The following PTPRD variants were observed in gnomAD, a reference collection of about 807,000 sequenced individuals.
PTPRD encodes the protein protein tyrosine phosphatase receptor type D, also known as receptor-type tyrosine-protein phosphatase delta.
PTPRD carries 34 observed loss-of-function variants against 214.5 expected under a neutral mutation model. The ratio of observed to expected loss-of-function variants is 0.16; its 90% CI spans 0.12 to 0.21. The LOEUF is 0.21. Among genes scored for constraint, PTPRD ranks in the 10% least tolerant of loss-of-function variants. PTPRD has a pLI of 1.00. For synonymous variants in PTPRD, 1,128 were observed against 845.7 expected, an observed-to-expected ratio of 1.33 and a Z score of -5.79; for missense variants, 2,545 against 2,398.7, an observed-to-expected ratio of 1.06 and a Z score of -1.27.
intron 7 of PTPRD, among the ~76,000 whole-genome samples, chr9:9,626,667 G>C (rs2095434696): frequency 6.6e-6 from 1 of 152,160 alleles, no homozygotes; most frequent in East Asian, 1.9e-4. Context: ...TATGACACAA[G>C]TACTGTACAT....
At chr9:8,861,982 A>G (rs1191360930) in intron 11 of PTPRD, 1 of 152,178 alleles carries the variant, frequency 6.6e-6, no homozygotes, top group Non-Finnish European at 1.5e-5. Context: ...TTCTATTTTT[A>G]TTTCAGAGAG....
intron 35 of PTPRD, among the ~76,000 whole-genome samples, chr9:8,415,349 T>C (rs1340989725): frequency 1.3e-5 from 2 of 152,222 alleles, no homozygotes; most frequent in Non-Finnish European, 2.9e-5. Context: ...GTACATAAGC[T>C]GGCTGGATAT....
intron 5 of PTPRD, among the ~76,000 whole-genome samples, chr9:9,867,527 C>T (rs994518092): frequency 6.6e-6 from 1 of 152,040 alleles, no homozygotes; most frequent in South Asian, 2.1e-4. Context: ...GGAAGAATCT[C>T]AGAGGAACTG....
At chr9:10,062,778 G>C (rs148755877) in intron 3 of PTPRD, among the ~76,000 whole-genome samples, 17 of 151,812 alleles carry the variant, frequency 1.1e-4, no homozygotes, top group African/African-American at 4.1e-4. Flanking sequence ...TGTAACTCAT[G>C]CTTCCCAAAG....
In PTPRD at chr9:8,319,984, G is replaced by T. The variant is rs774177557; in HGVS notation, c.5535-18C>A. The T allele has an allele frequency of 5.0e-6, 8 of 1,609,780 alleles. No homozygotes were observed. The South Asian group carries it at 8.8e-5, about 18-fold the overall frequency. On this transcript the variant is annotated intron_variant, in intron 44 of 45. Coordinates refer to ENST00000381196, the MANE Select transcript of PTPRD (RefSeq NM_002839.4). ...CGCCCGCGCTGCCACAATAACAAAG[G>T]CGATGTTACTGGGTGAGATGTTCAC...
intron 8 of PTPRD, among the ~76,000 whole-genome samples, chr9:9,537,845 G>A (rs1726541545): frequency 6.6e-6 from 1 of 151,378 alleles, no homozygotes; most frequent in South Asian, 2.1e-4. Flanking sequence ...ATAATCTCAG[G>A]GCCAAATTCA....
At chr9:9,398,090 C>T (rs898217906) in intron 8 of PTPRD, among the ~76,000 whole-genome samples, 1 of 151,688 alleles carries the variant, frequency 6.6e-6, no homozygotes, top group Non-Finnish European at 1.5e-5. Flanking sequence ...GCCCACCTTC[C>T]CTTCCTCCCT....
At chr9:8,611,845 GAATAGCATTCATTATCACTTCC>G (rs1282119167) in intron 14 of PTPRD, among the ~76,000 whole-genome samples, 1 of 148,592 alleles carries the variant, frequency 6.7e-6, no homozygotes, top group African/African-American at 2.5e-5. Flanking sequence ...AAGAGAGCAG[GAATAGCATTCATTATCACTTCC>G]AGAAAGATGA....
At chr9:8,946,013 G>A (rs926373872) in intron 11 of PTPRD, among the ~76,000 whole-genome samples, 2 of 152,102 alleles carry the variant, frequency 1.3e-5, no homozygotes, top group Non-Finnish European at 2.9e-5. Context: ...CCTAAGCCAT[G>A]TTACTCTTGT....
intron 6 of PTPRD, among the ~76,000 whole-genome samples, chr9:9,750,767 C>A (rs1166087673): frequency 6.6e-6 from 1 of 152,048 alleles, no homozygotes; most frequent in East Asian, 1.9e-4. Context: ...GGACTCAGGG[C>A]TTAATGGGAA....
chr9:8,542,016 G>C (rs1309667256), intron 14 of PTPRD, among the ~76,000 whole-genome samples: 1 of 152,014 alleles, frequency 6.6e-6, no homozygotes, highest in South Asian at 2.1e-4. Context: ...TTTGCAACTA[G>C]ATGGAAGAGT....
rs150698530 is a variant in PTPRD at position 10,123,060 on chromosome 9, A to C, written c.-544-89270T>G. Among the ~76,000 whole-genome samples the C allele has an allele frequency of 4.4e-3, 666 of 152,344 alleles. 5 individuals carry two copies. Among genetic ancestry groups the C allele is most frequent in the African/African-American group, 0.015 (640 of 41,580 alleles). On this transcript the variant is annotated intron_variant, in intron 3 of 45. Coordinates refer to ENST00000381196, the MANE Select transcript of PTPRD (RefSeq NM_002839.4). ...ATCCCAGGAGGAGAACTAAAGTCAAACACCTGGCTAAACAAAGCATAGTAA... is the reference window on the plus strand; with the variant it reads ...ATCCCAGGAGGAGAACTAAAGTCAACCACCTGGCTAAACAAAGCATAGTAA...
At chr9:8,923,297 C>T (rs1037343924) in intron 11 of PTPRD, among the ~76,000 whole-genome samples, 1 of 152,056 alleles carries the variant, frequency 6.6e-6, no homozygotes, top group African/African-American at 2.4e-5. Context: ...CTGCTTCTGC[C>T]TCCCTAAGTG....
chr9:9,942,435 A>G (rs950192328), intron 4 of PTPRD, among the ~76,000 whole-genome samples: 1 of 152,156 alleles, frequency 6.6e-6, no homozygotes, highest in African/African-American at 2.4e-5. Context: ...TTTACCTATT[A>G]AAGAGTTTAT....
At chr9:9,234,230 G>T (rs1184098161) in intron 9 of PTPRD, among the ~76,000 whole-genome samples, 1 of 152,190 alleles carries the variant, frequency 6.6e-6, no homozygotes, top group Non-Finnish European at 1.5e-5. Flanking sequence ...GCAAGGCTTG[G>T]GACTTGCATC....
intron 3 of PTPRD, among the ~76,000 whole-genome samples, chr9:10,181,429 C>A (rs1232045686): frequency 6.6e-6 from 1 of 152,088 alleles, no homozygotes; most frequent in Non-Finnish European, 1.5e-5. Flanking sequence ...TTGTGGATAT[C>A]TGTTTTTCTA....
chr9:9,230,926 A>G (rs1251270395), intron 9 of PTPRD, among the ~76,000 whole-genome samples: 1 of 152,168 alleles, frequency 6.6e-6, no homozygotes. Flanking sequence ...ACAGATTTTT[A>G]TCGCTTTATA....
chr9:8,516,656 T>A (rs1035550244), intron 21 of PTPRD, among the ~76,000 whole-genome samples: 1 of 152,136 alleles, frequency 6.6e-6, no homozygotes, highest in African/African-American at 2.4e-5. Context: ...CAGATTATAC[T>A]GTCTCCAATA....
chr9:8,817,032 A>T (rs1239019526), intron 11 of PTPRD, among the ~76,000 whole-genome samples: 1 of 152,234 alleles, frequency 6.6e-6, no homozygotes, highest in Admixed American at 6.5e-5. Flanking sequence ...TAAGTGAATC[A>T]ACAATATGAA....
Sources: allele counts gnomAD v4.1 joint callset (sites outside exome capture counted in the v4.1 genomes callset), GRCh38; gene constraint gnomAD v4.1.1; transcripts MANE v1.5; gene names NCBI Gene and HGNC (gene_info 2026-07-23, HGNC 2026-07-21).